CHD7: variants seen among roughly 807,000 people sequenced by gnomAD.
CHD7 encodes the protein ATP-dependent chromatin remodeler CHD7.
In CHD7, 24 loss-of-function variants were observed where a neutral mutation model predicts 307.3. The observed-to-expected ratio is 0.08, with a 90% CI of 0.06 to 0.11. The LOEUF (loss-of-function observed/expected upper bound fraction) is 0.11, where lower values mean the gene tolerates loss of function less well. Among genes scored for constraint, CHD7 ranks in the 10% least tolerant of loss-of-function variants. The pLI is 1.00. For synonymous variants in CHD7, 1,363 were observed against 1,349.9 expected (o/e 1.01, Z -0.21); for missense variants, 3,106 against 3,727.1 (o/e 0.83, Z 4.34).
chr8:60,795,098 C>T lies in CHD7; in HGVS notation c.2209C>T (p.Pro737Ser). ...CAAAACACCCCCACCATCTCCTCCT[C>T]CTGAAGAAGATGAGGACCCAGGTGT... ...LDKTPPPSPP[P>S]EEDEDPGVQK... Residue 737 changes from proline to serine, a missense_variant, in exon 4 of 38, where the codon CCT becomes TCT. Pro to Ser is a moderately conservative substitution (Grantham distance 74). Transcript: ENST00000423902. 1 of 1,613,680 alleles carries T rather than the reference C, an allele frequency of 6.2e-7. No homozygotes were observed. Among genetic ancestry groups the T allele is most frequent in the Non-Finnish European group, 8.5e-7 (1 of 1,179,724 alleles).
intron 7 of CHD7, chr8:60,809,668 GAAAAAAAAAAAAAAAA>G (rs36108691): frequency 4.2e-5 from 4 of 96,340 alleles, no homozygotes; most frequent in African/African-American, 1.3e-4. Flanking sequence ...AGGGAGTTTT[GAAAAAAAAAAAAAAAA>G]AAAAAAAAAA....
At chr8:60,720,347 T>C (rs1807834731) in intron 1 of CHD7, among the ~76,000 whole-genome samples, 1 of 152,224 alleles carries the variant, frequency 6.6e-6, no homozygotes, top group African/African-American at 2.4e-5. Flanking sequence ...ATTTTAAATA[T>C]GGTAAATGTT....
At chr8:60,812,573 A>G (rs997996265) in intron 7 of CHD7, among the ~76,000 whole-genome samples, 1 of 151,234 alleles carries the variant, frequency 6.6e-6, no homozygotes, top group Non-Finnish European at 1.5e-5. Flanking sequence ...CTGAGGCAGG[A>G]GAATCGCTTG....
chr8:60,853,046 C>T lies in CHD7; in HGVS notation c.6321C>T (p.His2107=), dbSNP rs778800676. 59 of 1,613,804 alleles carry T rather than the reference C, an allele frequency of 3.7e-5. No homozygotes were observed. The South Asian group carries it at 4.6e-4, about 13-fold the overall frequency. Residue 2107 remains histidine, a synonymous_variant, in exon 31 of 38, where the codon CAC becomes CAT. Transcript: ENST00000423902. ...ACTTGCTGGTTGGTGCTGCTAAACACGGGGTCAGTCGGACGGATTATCACA... is the reference window on the plus strand; with the variant it reads ...ACTTGCTGGTTGGTGCTGCTAAACATGGGGTCAGTCGGACGGATTATCACA... ...DRDLLVGAAK[H]GVSRTDYHIL...
At chr8:60,791,369 G>T (rs1237732672) in intron 3 of CHD7, among the ~76,000 whole-genome samples, 2 of 152,202 alleles carry the variant, frequency 1.3e-5, no homozygotes, top group African/African-American at 4.8e-5. Context: ...CCCATGAGTA[G>T]CCATCACTGC....
At position 60,699,480 on chromosome 8, in the gene CHD7, C is replaced by T. The variant is rs146174595; in HGVS notation, c.-175+20398C>T. Among the ~76,000 whole-genome samples, 21 of 152,060 alleles carry T rather than the reference C, an allele frequency of 1.4e-4. No homozygotes were observed. The South Asian group carries it at 3.3e-3, about 24-fold the overall frequency. ...TTTCTAATCACCTAGAGGGAGCCAG[C>T]GTAATGTGATAGGTCTTATTTTATT... On this transcript the variant is annotated intron_variant, in intron 1 of 37. Transcript: ENST00000423902.
Position 60,785,501 on chromosome 8 carries a change from G to A in CHD7, c.2096+4071G>A, listed in dbSNP as rs1811449652. 2.0e-5 allele frequency among the ~76,000 whole-genome samples: 3 copies of A among 152,130 alleles called. No homozygotes were observed. The South Asian group carries it at 6.2e-4, about 31-fold the overall frequency. On this transcript the variant is annotated intron_variant, in intron 3 of 37. Coordinates refer to ENST00000423902, the MANE Select transcript of CHD7 (RefSeq NM_017780.4). ...AATCATACTATCATTATCATTAATA[G>A]TAGTAGTATTTGTATAGCAGCTTTC...
chr8:60,761,134 C>T (rs1274258761), intron 2 of CHD7, among the ~76,000 whole-genome samples: 1 of 151,848 alleles, frequency 6.6e-6, no homozygotes, highest in Non-Finnish European at 1.5e-5. Flanking sequence ...AAATGTGGCA[C>T]ATATACACCA....
In CHD7 at chr8:60,865,438, A is replaced by T; in HGVS notation, c.8499A>T (p.Gln2833His). 1 of 1,614,012 alleles carries T rather than the reference A, an allele frequency of 6.2e-7. No homozygotes were observed. The highest frequency in any genetic ancestry group is 8.5e-7 in the Non-Finnish European group (1 of 1,179,908). Residue 2833 changes from glutamine to histidine, a missense_variant, in exon 38 of 38, where the codon CAA becomes CAT. This residue lies in a region of CHD7 where 351 missense variants were observed against 366.2 expected (regional missense o/e 0.96). Coordinates refer to ENST00000423902, the MANE Select transcript of CHD7 (RefSeq NM_017780.4). The surrounding 1 kb of genome is among the most constrained non-coding windows in gnomAD (Gnocchi z 4.3). ...GAAACACCACTACTGCTTCTAGTCAAGGAGAACCGGAAGACAGCACTTCAA... is the reference window on the plus strand; with the variant it reads ...GAAACACCACTACTGCTTCTAGTCATGGAGAACCGGAAGACAGCACTTCAA... The part of the protein sequence containing the change: ...ATGNTTTASS[Q>H]GEPEDSTSKG...
intron 4 of CHD7, among the ~76,000 whole-genome samples, chr8:60,797,805 G>A (rs1812101921): frequency 6.6e-6 from 1 of 152,192 alleles, no homozygotes; most frequent in South Asian, 2.1e-4. Context: ...CAGAAGTGAG[G>A]AATGGTAAAG....
chr8:60,797,262 C>T (rs912200298), intron 4 of CHD7, among the ~76,000 whole-genome samples: 2 of 152,164 alleles, frequency 1.3e-5, no homozygotes, highest in Non-Finnish European at 2.9e-5. Context: ...AGAGAAGCCA[C>T]GTAACATTAA....
Position 60,865,044 on chromosome 8 carries a change from G to T in CHD7, c.8105G>T (p.Arg2702Leu). 1.2e-6 allele frequency: 2 copies of T among 1,605,308 alleles called. No homozygotes were observed. The highest frequency in any genetic ancestry group is 1.1e-5 in the South Asian group (1 of 89,484). Reference sequence around the variant, plus strand: ...TTTGTTCCTGAGTCGATGTTTGACCGCCTTCTCACTGGGCCTGTAGTGCGG... The same window carrying T: ...TTTGTTCCTGAGTCGATGTTTGACCTCCTTCTCACTGGGCCTGTAGTGCGG... ...SGFVPESMFD[R>L]LLTGPVVRGE... The change falls in exon 38 of 38, where the codon CGC becomes CTC. Residue 2702 changes from arginine to leucine, a missense_variant. This residue lies in a region of CHD7 where 59 missense variants were observed against 106.2 expected (regional missense o/e 0.56). Transcript: ENST00000423902. This position sits in a 1 kb window ranked among gnomAD's most constrained non-coding sequence, Gnocchi z 4.3.
intron 1 of CHD7, chr8:60,679,868 C>T (rs1330453143): frequency 2.0e-5 from 3 of 151,362 alleles, no homozygotes; most frequent in African/African-American, 7.3e-5. Flanking sequence ...CGGGAGGCGT[C>T]CCGAGCTCAG....
rs1180883727 is a variant in CHD7, at chr8:60,856,947, G to T, written c.7608+59G>T. 2.8e-6 allele frequency: 4 copies of T among 1,403,714 alleles called. No homozygotes were observed. The East Asian group carries it at 9.2e-5, about 32-fold the overall frequency. 87.0% of individuals were successfully genotyped at this position (1,403,714 alleles called of 1,614,324 possible). On this transcript the variant is annotated intron_variant, in intron 34 of 37. Transcript: ENST00000423902. ...ACGTGTTGACAGCTGAGGGTCCTGT[G>T]ATGCTCACGATGCTGGGCTGTGTTT...
chr8:60,680,129 C>T (rs1194945794), intron 1 of CHD7, among the ~76,000 whole-genome samples: 1 of 151,722 alleles, frequency 6.6e-6, no homozygotes, highest in Non-Finnish European at 1.5e-5. Flanking sequence ...GGGGTCAGCG[C>T]CGGTGGGGGG....
At chr8:60,802,747 G>A (rs1484350700) in intron 6 of CHD7, among the ~76,000 whole-genome samples, 2 of 152,162 alleles carry the variant, frequency 1.3e-5, no homozygotes, top group African/African-American at 4.8e-5. Context: ...CTATAATAAA[G>A]TGAGATCCCA....
intron 1 of CHD7, among the ~76,000 whole-genome samples, chr8:60,691,184 A>G (rs1806176286): frequency 1.3e-5 from 2 of 152,186 alleles, no homozygotes; most frequent in East Asian, 3.8e-4. Flanking sequence ...GGCCTCCCAC[A>G]GTGCTGGGAT....
At chr8:60,824,063 G>T (rs1224533610) in intron 13 of CHD7, 47 bp downstream of exon 13, 2 of 1,543,792 alleles carry the variant, frequency 1.3e-6, no homozygotes, top group Admixed American at 3.5e-5. Flanking sequence ...TAGAATTGTT[G>T]CTGACTTGAT....
chr8:60,841,381 C>G (rs374742004), intron 19 of CHD7, among the ~76,000 whole-genome samples: 6 of 152,232 alleles, frequency 3.9e-5, no homozygotes, highest in African/African-American at 9.6e-5. Flanking sequence ...AGGTTAGGGG[C>G]CCCTCCTCTG....
Sources: allele counts gnomAD v4.1 joint callset (sites outside exome capture counted in the v4.1 genomes callset), GRCh38; gene constraint gnomAD v4.1.1; regional missense constraint gnomAD v4.1.1; non-coding constraint Gnocchi (gnomAD v3.1); transcripts MANE v1.5; gene names NCBI Gene and HGNC (gene_info 2026-07-23, HGNC 2026-07-21).